ZCCHC14: variants seen among roughly 807,000 people sequenced by gnomAD.
The protein encoded by ZCCHC14 is zinc finger CCHC domain-containing protein 14.
ZCCHC14 carries 16 observed loss-of-function variants against 85.0 expected under a neutral mutation model. The observed-to-expected ratio is 0.19, with a 90% CI of 0.13 to 0.29. The LOEUF is 0.29. Ranked by LOEUF, ZCCHC14 falls within the 10% of genes least tolerant of loss-of-function variation. ZCCHC14 has a pLI of 1.00. For synonymous variants in ZCCHC14, 775 were observed against 630.7 expected (o/e 1.23, Z -3.43); for missense variants, 1,303 against 1,443.5 (o/e 0.90, Z 1.58).
At position 87,412,930 on chromosome 16, in the gene ZCCHC14, C is replaced by A; in HGVS notation, c.1791G>T (p.Met597Ile). The A allele has an allele frequency of 6.2e-7, 1 of 1,602,634 alleles. No individual in the cohort carries two copies. Among genetic ancestry groups the A allele is most frequent in the South Asian group, 1.1e-5 (1 of 89,088 alleles). ...AACTGGAAGTGAAGTGATTCAGCAGCATCACCGGCTTCTCCTTGTCAGAGC... is the reference window on the plus strand; with the variant it reads ...AACTGGAAGTGAAGTGATTCAGCAGAATCACCGGCTTCTCCTTGTCAGAGC... ...LESSDKEKPV[M>I]LLNHFTSSSA... Residue 597 changes from methionine to isoleucine, a missense_variant, in exon 12 of 13, where the codon ATG (methionine) becomes ATT (isoleucine). Physicochemically the swap from Met to Ile is conservative, Grantham distance 10. This residue lies in a region of ZCCHC14 where 797 missense variants were observed against 730.8 expected (regional missense o/e 1.09). Transcript: ENST00000671377.
intron 4 of ZCCHC14, among the ~76,000 whole-genome samples, chr16:87,423,196 A>C (rs1909194031): frequency 6.6e-6 from 1 of 152,188 alleles, no homozygotes; most frequent in Non-Finnish European, 1.5e-5. Context: ...GTGTGTACAC[A>C]TGCACACGGA....
chr16:87,436,598 A>C (rs997901129), intron 2 of ZCCHC14, among the ~76,000 whole-genome samples: 1 of 152,278 alleles, frequency 6.6e-6, no homozygotes, highest in African/African-American at 2.4e-5. Context: ...ATAGAGCAGC[A>C]GGATAAATAG....
intron 3 of ZCCHC14, among the ~76,000 whole-genome samples, chr16:87,427,282 G>C (rs1909420095): frequency 6.6e-6 from 1 of 152,228 alleles, no homozygotes; most frequent in African/African-American, 2.4e-5. Flanking sequence ...GGAATCACTG[G>C]GCCCTCTGCT....
chr16:87,490,355 C>A (rs182334913), intron 1 of ZCCHC14, among the ~76,000 whole-genome samples: 1 of 152,380 alleles, frequency 6.6e-6, no homozygotes, highest in African/African-American at 2.4e-5. Context: ...CAAAGAGACA[C>A]TGAGCAAGAC....
chr16:87,460,963 A>G (rs1263706526), intron 1 of ZCCHC14, among the ~76,000 whole-genome samples: 2 of 152,254 alleles, frequency 1.3e-5, no homozygotes, highest in Non-Finnish European at 2.9e-5. Context: ...GGAATTCACC[A>G]TACCAAGTAC....
In ZCCHC14 at chr16:87,414,533, G is replaced by C. The variant is rs1265735111; in HGVS notation, c.1484C>G (p.Ser495Ter). ...CGAGGGGTTCAGGCACCGTCTCTCTGACTTCTCCCTGTGAAATAATCAAGC... is the reference window on the plus strand; with the variant it reads ...CGAGGGGTTCAGGCACCGTCTCTCTCACTTCTCCCTGTGAAATAATCAAGC... ...KTQLELEKEKSERRCLNPSAP... is the reference protein window; with the variant it reads ...KTQLELEKEK The change falls in exon 10 of 13, where the codon TCA (serine) becomes TGA (stop). Residue 495 changes from serine (S) to a stop codon, truncating the protein, a stop_gained. Transcript: ENST00000671377. LOFTEE classifies it high-confidence loss of function. 1 of 1,611,228 alleles carries C rather than the reference G, an allele frequency of 6.2e-7. No individual in the cohort carries two copies.
At chr16:87,424,692 A>G (rs191547584) in intron 3 of ZCCHC14, among the ~76,000 whole-genome samples, 1 of 152,244 alleles carries the variant, frequency 6.6e-6, no homozygotes, top group African/African-American at 2.4e-5. Context: ...AGGGGGAAGG[A>G]GAGCGTACTT....
intron 3 of ZCCHC14, among the ~76,000 whole-genome samples, chr16:87,425,506 G>A (rs532139277): frequency 2.6e-5 from 4 of 152,056 alleles, no homozygotes; most frequent in Non-Finnish European, 4.4e-5. Context: ...AACCCGGGAG[G>A]GGGAGGCTGC....
chr16:87,452,502 G>C (rs1393279125), intron 2 of ZCCHC14, among the ~76,000 whole-genome samples: 1 of 152,132 alleles, frequency 6.6e-6, no homozygotes, highest in Non-Finnish European at 1.5e-5. Flanking sequence ...GCGTAAAGTA[G>C]GGTACAGAAG....
At chr16:87,455,496 G>A (rs1910913110) in intron 2 of ZCCHC14, among the ~76,000 whole-genome samples, 1 of 152,178 alleles carries the variant, frequency 6.6e-6, no homozygotes, top group African/African-American at 2.4e-5. Flanking sequence ...GGGGCTCATA[G>A]AGGGCGCAAA....
rs536251955 is a variant in ZCCHC14, at chr16:87,484,387, G to A, written c.570+7282C>T. 3.0e-3 allele frequency among the ~76,000 whole-genome samples: 450 copies of A among 152,200 alleles called. 1 individual carries two copies. Among genetic ancestry groups the A allele is most frequent in the African/African-American group, 9.8e-3 (409 of 41,542 alleles). On this transcript the variant is annotated intron_variant, in intron 1 of 12. Transcript: ENST00000671377. ...TGAAGAGATTGCTGAATACTCTTCC[G>A]AAAAAATTGTTTTTGTCAAAGAGGT...
rs748080033 is a variant in ZCCHC14, at chr16:87,491,874, T to C, written c.365A>G (p.Gln122Arg). The C allele has an allele frequency of 2.6e-6, 4 of 1,552,140 alleles. No individual in the cohort carries two copies. The highest frequency in any genetic ancestry group is 2.3e-4 in the Middle Eastern group (1 of 4,270). The change falls in exon 1 of 13, where the codon CAG becomes CGG. Residue 122 changes from glutamine to arginine, a missense_variant. Coordinates refer to ENST00000671377, the MANE Select transcript of ZCCHC14 (RefSeq NM_015144.3). This position sits in a 1 kb window ranked among gnomAD's most constrained non-coding sequence, Gnocchi z 5.9. Reference protein sequence around the residue: ...IDSIIHNYGLQLNEGRTGDEF... With the variant: ...IDSIIHNYGLRLNEGRTGDEF... ...ATCGCCCGTGCGGCCCTCGTTAAGC[T>C]GCAGCCCGTAGTTGTGGATGATGGA...
At chr16:87,467,372 G>A (rs765170072) in intron 1 of ZCCHC14, 20 of 1,599,062 alleles carry the variant, frequency 1.3e-5, no homozygotes, top group Non-Finnish European at 1.6e-5. Flanking sequence ...GGGTAATTAA[G>A]CAAGAGAAAC....
intron 2 of ZCCHC14, among the ~76,000 whole-genome samples, chr16:87,453,198 C>A (rs909956108): frequency 5.3e-5 from 8 of 152,320 alleles, no homozygotes; most frequent in Admixed American, 3.9e-4. Flanking sequence ...AGCGCTCACG[C>A]AGAGCCCGAC....
intron 2 of ZCCHC14, among the ~76,000 whole-genome samples, chr16:87,434,676 C>G (rs556748864): frequency 7.9e-5 from 12 of 152,270 alleles, no homozygotes; most frequent in Admixed American, 7.8e-4. Flanking sequence ...ACGGCCACCT[C>G]AAAAAACCGT....
chr16:87,439,359 T>A (rs1910079169), intron 2 of ZCCHC14, among the ~76,000 whole-genome samples: 1 of 152,094 alleles, frequency 6.6e-6, no homozygotes, highest in Non-Finnish European at 1.5e-5. Flanking sequence ...GGCCTCAATC[T>A]CCTGACCTTG....
chr16:87,417,487 G>A lies in ZCCHC14; in HGVS notation c.1356C>T (p.Pro452=), dbSNP rs749642902. 1.3e-5 allele frequency: 21 copies of A among 1,614,054 alleles called. No individual in the cohort carries two copies. The highest frequency in any genetic ancestry group is 1.6e-4 in the Middle Eastern group (1 of 6,084). ...LRKLRLHKYY[P]VFKQLSMEKF... ...TCTCCATGGAGAGCTGCTTAAAGAC[G>A]GGGTAATACTTGTGCAAACGCAGTT... Residue 452 remains proline (P), a synonymous_variant, in exon 8 of 13, where the codon CCC becomes CCT. Coordinates refer to ENST00000671377, the MANE Select transcript of ZCCHC14 (RefSeq NM_015144.3).
At chr16:87,414,744 A>C (rs1176092926) in intron 9 of ZCCHC14, among the ~76,000 whole-genome samples, 1 of 152,250 alleles carries the variant, frequency 6.6e-6, no homozygotes, top group Non-Finnish European at 1.5e-5. Flanking sequence ...TTTACTATAA[A>C]GGTCCTTTCC....
In ZCCHC14 at chr16:87,420,598, G is replaced by A. The variant is rs746244398; in HGVS notation, c.950+9C>T. 2 of 1,609,288 alleles carry A rather than the reference G, an allele frequency of 1.2e-6. No individual in the cohort carries two copies. Among genetic ancestry groups the A allele is most frequent in the South Asian group, 1.1e-5 (1 of 90,122 alleles). On this transcript the variant is annotated intron_variant, in intron 5 of 12. Transcript: ENST00000671377. The surrounding 1 kb of genome is among the most constrained non-coding windows in gnomAD (Gnocchi z 5.0). ...TGTGGACGCGCCGGGTGCCTGGTAA[G>A]GGCCTCACCTCAGGCCTGAGTCCAG...
Sources: allele counts gnomAD v4.1 joint callset (sites outside exome capture counted in the v4.1 genomes callset), GRCh38; gene constraint gnomAD v4.1.1; regional missense constraint gnomAD v4.1.1; non-coding constraint Gnocchi (gnomAD v3.1); transcripts MANE v1.5; gene names NCBI Gene and HGNC (gene_info 2026-07-23, HGNC 2026-07-21).